Variants in SLC16A10 observed in about 807,000 individuals in gnomAD.
SLC16A10 encodes solute carrier family 16 member 10.
In SLC16A10, 27 loss-of-function variants were observed where a neutral mutation model predicts 40.0. The ratio of observed to expected loss-of-function variants is 0.67; its 90% confidence interval spans 0.50 to 0.93. SLC16A10 has a LOEUF of 0.93. Among genes scored for constraint, SLC16A10 ranks in the 40% least tolerant of loss-of-function variants. The pLI, the probability that SLC16A10 is intolerant of heterozygous loss-of-function variation, is 0.00. For missense variants in SLC16A10, 529 were observed against 658.2 expected, an observed-to-expected ratio of 0.80 and a Z score of 2.15; for synonymous variants, 213 against 249.8, an observed-to-expected ratio of 0.85 and a Z score of 1.39.
intron 1 of SLC16A10, among the ~76,000 whole-genome samples, chr6:111,135,353 A>T (rs998829124): frequency 2.4e-4 from 37 of 152,284 alleles, no homozygotes; most frequent in African/African-American, 8.9e-4. Flanking sequence ...ATTGTTAAGG[A>T]CCTAAAAGCC....
intron 3 of SLC16A10, among the ~76,000 whole-genome samples, chr6:111,202,461 G>C (rs1044758535): frequency 1.4e-4 from 22 of 152,176 alleles, no homozygotes; most frequent in African/African-American, 5.1e-4. Context: ...CTGGGCAACA[G>C]AGTGAAACTC....
At chr6:111,100,750 A>G (rs1771160956) in intron 1 of SLC16A10, among the ~76,000 whole-genome samples, 1 of 151,966 alleles carries the variant, frequency 6.6e-6, no homozygotes, top group Non-Finnish European at 1.5e-5. Context: ...TCCTTAAAGA[A>G]TACACTCTCC....
chr6:111,219,124 A>T, intron 5 of SLC16A10, 82 bp downstream of exon 5: 1 of 1,237,748 alleles, frequency 8.1e-7, no homozygotes, highest in Non-Finnish European at 1.1e-6. Flanking sequence ...ATTTATATGT[A>T]AAACATATTA....
At chr6:111,163,184 G>A (rs1452115815) in intron 1 of SLC16A10, among the ~76,000 whole-genome samples, 106 of 118,038 alleles carry the variant, frequency 9.0e-4, no homozygotes, top group African/African-American at 3.1e-3. Context: ...ACGGAGTCTC[G>A]CTCTGTCGCC....
At chr6:111,109,715 G>A (rs1462306882) in intron 1 of SLC16A10, among the ~76,000 whole-genome samples, 1 of 152,062 alleles carries the variant, frequency 6.6e-6, no homozygotes, top group Non-Finnish European at 1.5e-5. Context: ...GCCCCTCAAA[G>A]TGTTGGGGTT....
chr6:111,090,905 C>T (rs1269081142), intron 1 of SLC16A10, among the ~76,000 whole-genome samples: 1 of 152,206 alleles, frequency 6.6e-6, no homozygotes, highest in East Asian at 1.9e-4. Context: ...CTAGTTCTGT[C>T]TCCTTGTTTC....
intron 1 of SLC16A10, among the ~76,000 whole-genome samples, chr6:111,125,481 C>G (rs1387483961): frequency 3.9e-5 from 6 of 152,078 alleles, no homozygotes; most frequent in African/African-American, 1.4e-4. Context: ...CATTGAAAAA[C>G]TCTGACTTAA....
chr6:111,145,951 T>C (rs1772069655), intron 1 of SLC16A10, among the ~76,000 whole-genome samples: 1 of 152,094 alleles, frequency 6.6e-6, no homozygotes, highest in Non-Finnish European at 1.5e-5. Flanking sequence ...AACAACAAAA[T>C]AGATTAATTG....
intron 1 of SLC16A10, among the ~76,000 whole-genome samples, chr6:111,169,002 G>T (rs556398725): frequency 6.6e-6 from 1 of 152,108 alleles, no homozygotes; most frequent in Non-Finnish European, 1.5e-5. Flanking sequence ...GCTTGAGAGG[G>T]ACGACTTAAG....
chr6:111,100,215 A>G (rs1031811042), intron 1 of SLC16A10, among the ~76,000 whole-genome samples: 2 of 152,148 alleles, frequency 1.3e-5, no homozygotes, highest in Non-Finnish European at 2.9e-5. Context: ...ACTTCTTTCA[A>G]TACACGGGTG....
chr6:111,139,768 A>G (rs1022178150), intron 1 of SLC16A10, among the ~76,000 whole-genome samples: 10 of 152,204 alleles, frequency 6.6e-5, no homozygotes, highest in African/African-American at 2.4e-4. Context: ...ACTGCTTTAT[A>G]TTCCTCTGGG....
At chr6:111,189,751 A>G (rs1371823647) in intron 3 of SLC16A10, among the ~76,000 whole-genome samples, 1 of 152,110 alleles carries the variant, frequency 6.6e-6, no homozygotes, top group African/African-American at 2.4e-5. Flanking sequence ...AGACTTATTC[A>G]CTGTCACGAG....
chr6:111,127,367 A>G (rs1771694103), intron 1 of SLC16A10, among the ~76,000 whole-genome samples: 1 of 152,320 alleles, frequency 6.6e-6, no homozygotes, highest in Non-Finnish European at 1.5e-5. Context: ...AGGAGGAAAC[A>G]GAAGCACAGA....
chr6:111,200,075 C>G (rs529391066), intron 3 of SLC16A10, among the ~76,000 whole-genome samples: 29 of 152,240 alleles, frequency 1.9e-4, no homozygotes, highest in Admixed American at 1.8e-3. Context: ...ATGGAAAGAT[C>G]TGCTGTTTAA....
At chr6:111,101,012 ATAT>A (rs1771176697) in intron 1 of SLC16A10, among the ~76,000 whole-genome samples, 1 of 138,672 alleles carries the variant, frequency 7.2e-6, no homozygotes, top group Non-Finnish European at 1.5e-5. Flanking sequence ...ATATATATAT[ATAT>A]ATAAATATAT....
Position 111,229,523 on chromosome 6 carries a change from A to T in SLC16A10, c.*7288A>T, listed in dbSNP as rs1771068473. Reference sequence around the variant, plus strand: ...AGTTATATATAATAGCTTCCTATTGAGCTGGCTTATGTAGACATTTGGACA... The same window carrying T: ...AGTTATATATAATAGCTTCCTATTGTGCTGGCTTATGTAGACATTTGGACA... On this transcript the variant is annotated 3_prime_UTR_variant, in exon 6 of 6. Transcript: ENST00000368851. 6.6e-6 allele frequency: 1 copy of T among 152,200 alleles called. No individual in the cohort carries two copies. Among genetic ancestry groups the T allele is most frequent in the Non-Finnish European group, 1.5e-5 (1 of 68,036 alleles). The allele number at this position is 152,200 out of a possible 1,614,324, so 9.4% of individuals were successfully genotyped here. A position where few individuals can be genotyped will look rare whatever the true frequency, so the allele number is the denominator to read the frequency against.
chr6:111,126,436 G>A (rs889721723), intron 1 of SLC16A10, among the ~76,000 whole-genome samples: 2 of 152,092 alleles, frequency 1.3e-5, no homozygotes, highest in Non-Finnish European at 2.9e-5. Context: ...TGAATGGTAA[G>A]TAGGTAGAAA....
chr6:111,199,591 T>C (rs1400486784), intron 3 of SLC16A10, among the ~76,000 whole-genome samples: 1 of 152,196 alleles, frequency 6.6e-6, no homozygotes, highest in Non-Finnish European at 1.5e-5. Flanking sequence ...ACAGAAATTA[T>C]TTAGAGCCAC....
chr6:111,138,657 T>G (rs925752102), intron 1 of SLC16A10, among the ~76,000 whole-genome samples: 3 of 152,194 alleles, frequency 2.0e-5, no homozygotes, highest in Admixed American at 1.3e-4. Context: ...TTTTTTTTTT[T>G]CTTTTTTTTA....
Sources: allele counts gnomAD v4.1 joint callset (sites outside exome capture counted in the v4.1 genomes callset), GRCh38; gene constraint gnomAD v4.1.1; transcripts MANE v1.5; gene names NCBI Gene and HGNC (gene_info 2026-07-23, HGNC 2026-07-21).